Variants in KCNQ2 observed in about 807,000 individuals in gnomAD.
KCNQ2 encodes the protein potassium voltage-gated channel subfamily KQT member 2.
A neutral mutation model predicts 84.8 loss-of-function variants in KCNQ2; 14 were observed. The observed-to-expected ratio is 0.17, with a 90% confidence interval of 0.11 to 0.26. KCNQ2 has a LOEUF of 0.26. Ranked by LOEUF, KCNQ2 falls within the 10% of genes least tolerant of loss-of-function variation. KCNQ2 has a pLI of 1.00. For missense variants in KCNQ2, 788 were observed against 1,254.0 expected, an observed-to-expected ratio of 0.63 and a Z score of 5.61; for synonymous variants, 599 against 554.1, an observed-to-expected ratio of 1.08 and a Z score of -1.14.
At position 63,455,483 on chromosome 20, in the gene KCNQ2, G is replaced by A. The variant is rs374279329; in HGVS notation, c.297-8646C>T. Reference sequence around the variant, plus strand: ...CATCAGACAGCCCCAGATCACAAGAGAGGCCATGGCGGGGATCAGGCACCC... The same window carrying A: ...CATCAGACAGCCCCAGATCACAAGAAAGGCCATGGCGGGGATCAGGCACCC... On this transcript the variant is annotated intron_variant, in intron 1 of 16. Transcript: ENST00000359125. 4.8e-4 allele frequency among the ~76,000 whole-genome samples: 73 copies of A among 152,306 alleles called. 2 individuals carry two copies. In the South Asian group the frequency reaches 0.015, roughly 31 times the overall value.
rs373536274 is a variant in KCNQ2 at position 63,406,703 on chromosome 20, G to A, written c.2560C>T (p.Arg854Cys). 215 of 1,602,648 alleles carry A rather than the reference G, an allele frequency of 1.3e-4. 2 individuals are homozygous for A. The South Asian group carries it at 1.6e-3, about 12-fold the overall frequency. ...AAGGGACCCTCGCCGGTGGCCGAGC[G>A]TGGCGGGGGCCCGCACGGGGTACAG... ...DLCTPCGPPP[R>C]SATGEGPFGD... The change falls in exon 17 of 17, where the codon CGC becomes TGC. Residue 854 changes from arginine (R) to cysteine (C), a missense_variant. Arg to Cys is a radical substitution (Grantham distance 180). Transcript: ENST00000359125.
At position 63,442,484 on chromosome 20, in the gene KCNQ2, G is replaced by C; in HGVS notation, c.738C>G (p.Ala246=). 1.2e-6 allele frequency: 2 copies of C among 1,613,714 alleles called. No individual in the cohort carries two copies. The highest frequency in any genetic ancestry group is 1.7e-6 in the Non-Finnish European group (2 of 1,179,920). The change falls in exon 5 of 17, where the codon GCC becomes GCG. Residue 246 remains alanine, a synonymous_variant. Coordinates refer to ENST00000359125, the MANE Select transcript of KCNQ2 (RefSeq NM_172107.4). ...WYIGFLCLIL[A]SFLVYLAEKG... is the part of the protein sequence containing the mutation. ...TCTCTGCCAAGTACACCAGGAACGA[G>C]GCCAGGATGAGACAAAGGAAGCCGA...
intron 15 of KCNQ2, among the ~76,000 whole-genome samples, chr20:63,409,694 G>A (rs1012663489): frequency 2.6e-5 from 4 of 152,312 alleles, no homozygotes; most frequent in East Asian, 3.9e-4. Flanking sequence ...ACCAGCCGAC[G>A]GGGCCAAGTC....
At chr20:63,465,903 C>T (rs1379724630) in intron 1 of KCNQ2, among the ~76,000 whole-genome samples, 2 of 152,184 alleles carry the variant, frequency 1.3e-5, no homozygotes, top group South Asian at 2.1e-4. Context: ...CATGGCTGGG[C>T]GCGTGTCGGT....
chr20:63,407,831 T>C lies in KCNQ2; in HGVS notation c.1888-456A>G, dbSNP rs1001785340. The C allele has an allele frequency of 4.5e-5, 9 of 200,304 alleles. No homozygotes were observed. In the Admixed American group the frequency reaches 4.8e-4, roughly 11 times the overall value. The allele number at this position is 200,304 out of a possible 1,614,324, so 12.4% of individuals were successfully genotyped here. A position where few individuals can be genotyped will look rare whatever the true frequency, so the allele number is the denominator to read the frequency against. ...GGAAGAGGAGGCCCAGGAGCAGCTC[T>C]TCCTCCTTCCCAGACCCCTAGGGGC... On this transcript the variant is annotated intron_variant, in intron 16 of 16. Coordinates refer to ENST00000359125, the MANE Select transcript of KCNQ2 (RefSeq NM_172107.4). This position sits in a 1 kb window ranked among gnomAD's most constrained non-coding sequence, Gnocchi z 7.2.
chr20:63,445,167 C>A (rs999483109), intron 3 of KCNQ2, 71 bp downstream of exon 3: 1 of 1,601,928 alleles, frequency 6.2e-7, no homozygotes, highest in African/African-American at 1.3e-5. Context: ...CGCCCCAGCT[C>A]CCCCCAGGGC....
At chr20:63,456,975 T>A (rs1448848132) in intron 1 of KCNQ2, among the ~76,000 whole-genome samples, 1 of 152,076 alleles carries the variant, frequency 6.6e-6, no homozygotes, top group Non-Finnish European at 1.5e-5. Context: ...CGAGCCTCCC[T>A]GGGGGCCCCG....
chr20:63,410,558 C>T (rs1186645106), intron 15 of KCNQ2, among the ~76,000 whole-genome samples: 4 of 152,068 alleles, frequency 2.6e-5, no homozygotes, highest in Non-Finnish European at 4.4e-5. Context: ...GCACAGCACT[C>T]TTGGGCATGG....
rs6122439 is a variant in KCNQ2, at chr20:63,401,437, C to A, written c.*5207G>T. ...CAGGAACCTGCGTATTCCCTCGACC[C>A]CGGAGTCCACCATCCCACATCCTTC... On this transcript the variant is annotated 3_prime_UTR_variant, in exon 17 of 17. Transcript: ENST00000359125. 22,858 of 152,478 alleles carry A rather than the reference C, an allele frequency of 0.15. 2,156 individuals carry two copies. Among genetic ancestry groups the A allele is most frequent in the East Asian group, 0.47 (2,437 of 5,172 alleles). The allele number at this position is 152,478 out of a possible 1,614,324, so 9.4% of individuals were successfully genotyped here. A position where few individuals can be genotyped will look rare whatever the true frequency, so the allele number is the denominator to read the frequency against.
intron 10 of KCNQ2, among the ~76,000 whole-genome samples, chr20:63,424,805 G>A (rs1441737706): frequency 1.3e-5 from 2 of 152,254 alleles, no homozygotes; most frequent in Non-Finnish European, 1.5e-5. Context: ...GCGGGTAAAG[G>A]CGTTATGGAT....
chr20:63,427,648 C>T (rs2080672472), intron 10 of KCNQ2, among the ~76,000 whole-genome samples: 1 of 152,268 alleles, frequency 6.6e-6, no homozygotes, highest in African/African-American at 2.4e-5. Context: ...CAGTCTCTCT[C>T]TCCATCCTAG....
chr20:63,430,524 T>C (rs2145650149), intron 9 of KCNQ2, among the ~76,000 whole-genome samples: 1 of 152,166 alleles, frequency 6.6e-6, no homozygotes, highest in African/African-American at 2.4e-5. Flanking sequence ...CAGGAAGCCC[T>C]TCTGGTCTAT....
chr20:63,452,619 G>A (rs2081646819), intron 1 of KCNQ2, among the ~76,000 whole-genome samples: 1 of 152,246 alleles, frequency 6.6e-6, no homozygotes, highest in African/African-American at 2.4e-5. Flanking sequence ...GAGGACACAG[G>A]GGCCTCGGCC....
chr20:63,404,046 T>TC lies in KCNQ2; in HGVS notation c.*2597dup, dbSNP rs1358812225. On this transcript the variant is annotated 3_prime_UTR_variant, in exon 17 of 17. Transcript: ENST00000359125. ...ATCCCAGGACGTGCACCTTCCCTCT[T>TC]CCCAGGGCCCAGAGACTTCCCAGGG... 2.6e-5 allele frequency: 4 copies of TC among 152,424 alleles called. No homozygotes were observed. Among genetic ancestry groups the TC allele is most frequent in the African/African-American group, 9.7e-5 (4 of 41,436 alleles). 9.4% of individuals were successfully genotyped at this position (152,424 alleles called of 1,614,324 possible).
Position 63,472,380 on chromosome 20 carries a change from G to A in KCNQ2, c.84C>T (p.Asp28=). Residue 28 remains aspartate, a synonymous_variant, in exon 1 of 17, where the codon GAC becomes GAT. Transcript: ENST00000359125. ...KKLKVGFVGL[D]PGAPDSTRDG... ...CCCGGGTGGAGTCGGGCGCGCCGGG[G>A]TCCAGCCCCACGAAGCCCACCTTCA... is the stretch of plus-strand genomic sequence containing the variant. 1 of 1,536,036 alleles carries A rather than the reference G, an allele frequency of 6.5e-7. No individual in the cohort carries two copies. The highest frequency in any genetic ancestry group is 8.7e-7 in the Non-Finnish European group (1 of 1,143,814).
At chr20:63,421,168 C>G (rs1359137209) in intron 11 of KCNQ2, among the ~76,000 whole-genome samples, 2 of 152,324 alleles carry the variant, frequency 1.3e-5, no homozygotes, top group African/African-American at 4.8e-5. Flanking sequence ...GTTTTGACCC[C>G]AGCATGATCG....
chr20:63,464,651 C>T (rs2082037958), intron 1 of KCNQ2, among the ~76,000 whole-genome samples: 1 of 152,208 alleles, frequency 6.6e-6, no homozygotes, highest in African/African-American at 2.4e-5. Flanking sequence ...GACGCTGGAA[C>T]AGGGCCATGG....
intron 1 of KCNQ2, among the ~76,000 whole-genome samples, chr20:63,451,081 T>C (rs1477358034): frequency 6.8e-6 from 1 of 147,758 alleles, no homozygotes; most frequent in Non-Finnish European, 1.5e-5. Flanking sequence ...GAGGCTGCAG[T>C]GAGCCGAGAC....
rs2081378361 is a variant in KCNQ2, at chr20:63,445,274, G to T, written c.478C>A (p.Arg160=). The stretch of plus-strand genomic sequence containing the variant: ...AACGGTTTCCGGGCAAACTTGAGCC[G>T]CCCCCTCCAGCCACGGTACCGGCAG... ...CCCRYRGWRG[R]LKFARKPFCV... The change falls in exon 3 of 17, where the codon CGG becomes AGG. Residue 160 remains arginine, a synonymous_variant. Coordinates refer to ENST00000359125, the MANE Select transcript of KCNQ2 (RefSeq NM_172107.4). 3 of 1,613,744 alleles carry T rather than the reference G, an allele frequency of 1.9e-6. No individual in the cohort carries two copies. In the East Asian group the frequency reaches 6.7e-5, roughly 36 times the overall value.
Sources: allele counts gnomAD v4.1 joint callset (sites outside exome capture counted in the v4.1 genomes callset), GRCh38; gene constraint gnomAD v4.1.1; non-coding constraint Gnocchi (gnomAD v3.1); transcripts MANE v1.5; gene names NCBI Gene and HGNC (gene_info 2026-07-23, HGNC 2026-07-21).